Variants in MKX observed in about 807,000 individuals in gnomAD.
The protein encoded by MKX is homeobox protein Mohawk.
Under a neutral mutation model 36.0 loss-of-function variants are expected in MKX, and 13 were observed. That is an observed-to-expected ratio of 0.36 (90% CI 0.24 to 0.57). MKX has a LOEUF of 0.57. Ranked by LOEUF, MKX falls within the 20% of genes least tolerant of loss-of-function variation. The probability of loss-of-function intolerance (pLI) is 0.79; values close to 1 mark genes in which losing one functional copy is unlikely to be tolerated. For missense variants in MKX, 458 were observed against 456.4 expected (o/e 1.00, Z -0.03); for synonymous variants, 176 against 178.3 (o/e 0.99, Z 0.10).
chr10:27,709,180 G>GTAAATAAA (rs3063052), intron 5 of MKX, among the ~76,000 whole-genome samples: 2 of 151,654 alleles, frequency 1.3e-5, no homozygotes, highest in Admixed American at 1.3e-4. Flanking sequence ...AAAGAAAAAA[G>GTAAATAAA]TAAATAAATA....
intron 3 of MKX, among the ~76,000 whole-genome samples, chr10:27,737,555 C>T (rs1413995598): frequency 1.3e-5 from 2 of 152,034 alleles, no homozygotes; most frequent in Non-Finnish European, 2.9e-5. Context: ...TCCTTGCTAG[C>T]TCTAAAAATT....
intron 3 of MKX, among the ~76,000 whole-genome samples, chr10:27,736,147 T>G (rs1834769945): frequency 6.6e-6 from 1 of 151,086 alleles, no homozygotes; most frequent in Non-Finnish European, 1.5e-5. Flanking sequence ...GTTGCAAGAG[T>G]AGAGAGAGTG....
At chr10:27,680,011 G>C (rs1306910686) in intron 5 of MKX, among the ~76,000 whole-genome samples, 1 of 152,106 alleles carries the variant, frequency 6.6e-6, no homozygotes, top group Non-Finnish European at 1.5e-5. Context: ...GGCTCCACTC[G>C]AGAAGTGGCA....
intron 1 of MKX, among the ~76,000 whole-genome samples, chr10:27,743,833 A>G (rs1212343795): frequency 6.6e-6 from 1 of 152,078 alleles, no homozygotes; most frequent in Admixed American, 6.5e-5. Flanking sequence ...AATCTGGGAG[A>G]GGCATACTCC....
At position 27,744,983 on chromosome 10, in the gene MKX, T is replaced by C. The variant is rs189808647; in HGVS notation, c.-83+724A>G. On this transcript the variant is annotated intron_variant, in intron 1 of 6. Transcript: ENST00000419761. The surrounding 1 kb of genome is among the most constrained non-coding windows in gnomAD (Gnocchi z 5.6). ...TGGGGTGTGCACATAGCCTCGGTGATAAGTGTCAAAGAGAATTTTCGTGCT... is the reference window on the plus strand; with the variant it reads ...TGGGGTGTGCACATAGCCTCGGTGACAAGTGTCAAAGAGAATTTTCGTGCT... The C allele has an allele frequency of 2.0e-5, 3 of 152,386 alleles. No homozygotes were observed. The highest frequency in any genetic ancestry group is 7.2e-5 in the African/African-American group (3 of 41,552). The allele number at this position is 152,386 out of a possible 1,614,324, so 9.4% of individuals were successfully genotyped here. A position where few individuals can be genotyped will look rare whatever the true frequency, so the allele number is the denominator to read the frequency against.
Position 27,744,889 on chromosome 10 carries a change from A to T in MKX, c.-83+818T>A, listed in dbSNP as rs1024479283. On this transcript the variant is annotated intron_variant, in intron 1 of 6. Coordinates refer to ENST00000419761, the MANE Select transcript of MKX (RefSeq NM_173576.3). The surrounding 1 kb of genome is among the most constrained non-coding windows in gnomAD (Gnocchi z 5.6). The stretch of plus-strand genomic sequence containing the variant: ...TACGGTCTGTGTTCGTAGGGAAGTG[A>T]AGTCAGACCTCTGCTGGATGTCGTG... 4 of 152,116 alleles carry T rather than the reference A, an allele frequency of 2.6e-5. No individual in the cohort carries two copies. Among genetic ancestry groups the T allele is most frequent in the Non-Finnish European group, 1.5e-5 (1 of 68,122 alleles). The allele number at this position is 152,116 out of a possible 1,614,324, so 9.4% of individuals were successfully genotyped here.
Position 27,741,314 on chromosome 10 carries a change from A to C in MKX, c.348+31T>G. The C allele has an allele frequency of 6.2e-7, 1 of 1,606,350 alleles. No homozygotes were observed. The highest frequency in any genetic ancestry group is 8.5e-7 in the Non-Finnish European group (1 of 1,177,476). On this transcript the variant is annotated intron_variant, in intron 3 of 6. Transcript: ENST00000419761. This position sits in a 1 kb window ranked among gnomAD's most constrained non-coding sequence, Gnocchi z 5.1. Reference sequence around the variant, plus strand: ...CCGCTCTTCAGCCCCTCGCGGGAAAACGGATCAGGGTGTTAATGGGTCCTG... The same window carrying C: ...CCGCTCTTCAGCCCCTCGCGGGAAACCGGATCAGGGTGTTAATGGGTCCTG...
intron 5 of MKX, among the ~76,000 whole-genome samples, chr10:27,714,340 A>G (rs1455190368): frequency 6.6e-6 from 1 of 152,244 alleles, no homozygotes; most frequent in South Asian, 2.1e-4. Context: ...ATTTAAAAAA[A>G]CCTTTGGCTT....
At chr10:27,711,632 C>T (rs184699876) in intron 5 of MKX, among the ~76,000 whole-genome samples, 14 of 150,770 alleles carry the variant, frequency 9.3e-5, no homozygotes, top group Non-Finnish European at 1.8e-4. Flanking sequence ...AGCGCAGTCG[C>T]ACAGTCATAG....
At chr10:27,694,527 A>AAAAATATATATATATAT (rs547670335) in intron 5 of MKX, among the ~76,000 whole-genome samples, 76 of 114,320 alleles carry the variant, frequency 6.6e-4, no homozygotes, top group African/African-American at 2.2e-3. Context: ...AAAAAAAAAA[A>AAAAATATATATATATAT]ATATATATAT....
intron 5 of MKX, among the ~76,000 whole-genome samples, chr10:27,709,351 A>T (rs752789824): frequency 8.5e-5 from 13 of 152,222 alleles, no homozygotes; most frequent in Admixed American, 2.0e-4. Flanking sequence ...TGCAGGTCAC[A>T]TGCAAATACT....
chr10:27,716,674 GCGGTA>G (rs1045800035), intron 5 of MKX, among the ~76,000 whole-genome samples: 6 of 152,062 alleles, frequency 3.9e-5, no homozygotes, highest in Non-Finnish European at 8.8e-5. Context: ...AGCATTTAAA[GCGGTA>G]CATTTTTTTG....
chr10:27,740,024 C>T (rs532521822), intron 3 of MKX, among the ~76,000 whole-genome samples: 34 of 152,264 alleles, frequency 2.2e-4, no homozygotes, highest in African/African-American at 7.9e-4. Context: ...CCCTCCACTG[C>T]TGCAGCAAAT....
At chr10:27,685,529 A>G (rs141050708) in intron 5 of MKX, among the ~76,000 whole-genome samples, 54 of 149,932 alleles carry the variant, frequency 3.6e-4, no homozygotes, top group Non-Finnish European at 5.6e-4. Flanking sequence ...GCTCACTGCA[A>G]GCTCCGCCTC....
chr10:27,713,101 G>A (rs1308521717), intron 5 of MKX, among the ~76,000 whole-genome samples: 1 of 152,146 alleles, frequency 6.6e-6, no homozygotes, highest in Non-Finnish European at 1.5e-5. Flanking sequence ...GAATCCACGC[G>A]ATGAGGAACA....
rs1251469412 is a variant in MKX at position 27,743,322 on chromosome 10, C to A, written c.94G>T (p.Gly32Cys). The part of the protein sequence containing the change: ...ERERGGRPYS[G>C]VLDSPHARPE... The stretch of plus-strand genomic sequence containing the variant: ...CGGGCGTGAGGACTGTCCAGGACAC[C>A]GCTGTAGGGCCGGCCACCCCGCTCC... Residue 32 changes from glycine to cysteine, a missense_variant, in exon 2 of 7, where the codon GGT (glycine) becomes TGT (cysteine). Gly to Cys is a radical substitution (Grantham distance 159, BLOSUM62 -3). Coordinates refer to ENST00000419761, the MANE Select transcript of MKX (RefSeq NM_173576.3). 3 of 1,584,996 alleles carry A rather than the reference C, an allele frequency of 1.9e-6. No individual in the cohort carries two copies. Among genetic ancestry groups the A allele is most frequent in the Non-Finnish European group, 2.6e-6 (3 of 1,168,546 alleles).
chr10:27,728,141 T>C (rs1029727145), intron 5 of MKX, among the ~76,000 whole-genome samples: 4 of 151,972 alleles, frequency 2.6e-5, no homozygotes, highest in African/African-American at 9.7e-5. Flanking sequence ...TCTGGAATAA[T>C]CCAAAAAAGG....
At chr10:27,728,027 C>T (rs759641524) in intron 5 of MKX, among the ~76,000 whole-genome samples, 1 of 152,144 alleles carries the variant, frequency 6.6e-6, no homozygotes, top group Admixed American at 6.5e-5. Context: ...ATTGGACAAC[C>T]TTTCAAATAT....
At position 27,741,241 on chromosome 10, in the gene MKX, C is replaced by T. The variant is rs577207779; in HGVS notation, c.348+104G>A. The T allele has an allele frequency of 2.1e-5, 31 of 1,457,594 alleles. No individual in the cohort carries two copies. The highest frequency in any genetic ancestry group is 1.8e-4 in the Middle Eastern group (1 of 5,606). The allele number at this position is 1,457,594 out of a possible 1,614,324, so 90.3% of individuals were successfully genotyped here. A position where few individuals can be genotyped will look rare whatever the true frequency, so the allele number is the denominator to read the frequency against. On this transcript the variant is annotated intron_variant, in intron 3 of 6. Transcript: ENST00000419761. The surrounding 1 kb of genome is among the most constrained non-coding windows in gnomAD (Gnocchi z 5.1). ...ACTCCCACAGCTCGGCTCCATCCCT[C>T]TCCAGGTAGAAGCGCCACGTGGAGA... is the stretch of plus-strand genomic sequence containing the variant.
Sources: allele counts gnomAD v4.1 joint callset (sites outside exome capture counted in the v4.1 genomes callset), GRCh38; gene constraint gnomAD v4.1.1; non-coding constraint Gnocchi (gnomAD v3.1); transcripts MANE v1.5; gene names NCBI Gene and HGNC (gene_info 2026-07-23, HGNC 2026-07-21).